MGAT5: variants seen among roughly 807,000 people sequenced by gnomAD.
MGAT5 encodes alpha-1,6-mannosylglycoprotein 6-beta-N-acetylglucosaminyltransferase, also known as alpha-1,6-mannosylglycoprotein 6-beta-N-acetylglucosaminyltransferase A.
Under a neutral mutation model 94.3 loss-of-function variants are expected in MGAT5, and 30 were observed. That is an observed-to-expected ratio of 0.32 (90% CI 0.24 to 0.43). The LOEUF is 0.43. MGAT5 is among the 20% of genes least tolerant of loss of function. The pLI, the probability that MGAT5 is intolerant of heterozygous loss-of-function variation, is 1.00. For missense variants in MGAT5, 691 were observed against 905.5 expected (o/e 0.76, Z 3.04); for synonymous variants, 310 against 322.9 (o/e 0.96, Z 0.43).
intron 1 of MGAT5, among the ~76,000 whole-genome samples, chr2:134,157,187 C>T (rs1391069639): frequency 2.6e-5 from 4 of 152,238 alleles, no homozygotes; most frequent in African/African-American, 9.6e-5. Flanking sequence ...CTGCTAAAAT[C>T]CAAATCAAAT....
chr2:134,437,101 GT>G (rs1558886282), intron 14 of MGAT5, among the ~76,000 whole-genome samples: 1 of 152,196 alleles, frequency 6.6e-6, no homozygotes, highest in African/African-American at 2.4e-5. Flanking sequence ...CAATTCTCCT[GT>G]CTTAGCCTCC....
intron 9 of MGAT5, among the ~76,000 whole-genome samples, chr2:134,360,392 C>A (rs1680009301): frequency 6.6e-6 from 1 of 152,026 alleles, no homozygotes; most frequent in South Asian, 2.1e-4. Context: ...TTATTTTTTA[C>A]TATATATTAG....
intron 1 of MGAT5, among the ~76,000 whole-genome samples, chr2:134,145,868 C>T (rs1217901190): frequency 6.6e-6 from 1 of 152,188 alleles, no homozygotes; most frequent in Non-Finnish European, 1.5e-5. Context: ...CTAACACCTT[C>T]CCCCAACCCC....
chr2:134,325,445 A>C (rs1269273597), intron 4 of MGAT5, among the ~76,000 whole-genome samples: 1 of 152,122 alleles, frequency 6.6e-6, no homozygotes, highest in Admixed American at 6.6e-5. Context: ...TGTGCCCGTG[A>C]TCCATATTCA....
rs554203990 is a variant in MGAT5, at chr2:134,335,729, C to A, written c.574-488C>A. Among the ~76,000 whole-genome samples the A allele has an allele frequency of 1.7e-3, 255 of 152,220 alleles. 4 individuals are homozygous for A. The highest frequency in any genetic ancestry group is 2.5e-4 in the Non-Finnish European group (17 of 68,000). On this transcript the variant is annotated intron_variant, in intron 4 of 15. Transcript: ENST00000281923. Reference sequence around the variant, plus strand: ...CCTTGACCAATTAGCCCTAAGCTATCAGTGGCATTCCTAACTCAGATAAAG... The same window carrying A: ...CCTTGACCAATTAGCCCTAAGCTATAAGTGGCATTCCTAACTCAGATAAAG...
chr2:134,309,762 A>G (rs986411241), intron 2 of MGAT5, among the ~76,000 whole-genome samples: 4 of 152,188 alleles, frequency 2.6e-5, no homozygotes, highest in African/African-American at 4.8e-5. Flanking sequence ...GCATTCTTAT[A>G]TAACTGTTTT....
rs1686180470 is a variant in MGAT5 at position 134,452,946 on chromosome 2, G to A, written c.*4099G>A. ...TTCTTGTTCGCTTCAACAAAAAGTG[G>A]GAGACCAAGTTTTTATAGCAAAAGA... is the stretch of plus-strand genomic sequence containing the variant. On this transcript the variant is annotated 3_prime_UTR_variant, in exon 16 of 16. Transcript: ENST00000281923. 1 of 152,168 alleles carries A rather than the reference G, an allele frequency of 6.6e-6. No homozygotes were observed. Among genetic ancestry groups the A allele is most frequent in the African/African-American group, 2.4e-5 (1 of 41,434 alleles). The allele number at this position is 152,168 out of a possible 1,614,324, so 9.4% of individuals were successfully genotyped here.
intron 10 of MGAT5, among the ~76,000 whole-genome samples, chr2:134,392,760 A>G (rs1682488734): frequency 1.3e-5 from 2 of 152,262 alleles, no homozygotes; most frequent in African/African-American, 4.8e-5. Context: ...AAGGAAATTT[A>G]GCAAGCACAG....
At chr2:134,368,214 C>T (rs538588691) in intron 10 of MGAT5, among the ~76,000 whole-genome samples, 1 of 152,310 alleles carries the variant, frequency 6.6e-6, no homozygotes, top group South Asian at 2.1e-4. Context: ...TCTGGGTGAG[C>T]TAAGTGTACA....
chr2:134,375,887 C>T (rs1191115461), intron 10 of MGAT5, among the ~76,000 whole-genome samples: 1 of 152,194 alleles, frequency 6.6e-6, no homozygotes, highest in Non-Finnish European at 1.5e-5. Flanking sequence ...GTATTTTCAT[C>T]TTCTTCCAGG....
chr2:134,237,123 A>ATGTGTGTGTGTGTGTGTGTGTGTGTGTG (rs68003122), intron 1 of MGAT5, among the ~76,000 whole-genome samples: 2 of 140,626 alleles, frequency 1.4e-5, no homozygotes, highest in African/African-American at 5.1e-5. Context: ...GAAGGAGTAT[A>ATGTGTGTGTGTGTGTGTGTGTGTGTGTG]TGTGTGTGTG....
chr2:134,416,188 A>C (rs1683950089), intron 12 of MGAT5, among the ~76,000 whole-genome samples: 1 of 152,216 alleles, frequency 6.6e-6, no homozygotes, highest in Non-Finnish European at 1.5e-5. Context: ...CACTGGCATT[A>C]AGTATATTTG....
At chr2:134,285,081 A>T (rs1054073543) in intron 2 of MGAT5, among the ~76,000 whole-genome samples, 3 of 152,146 alleles carry the variant, frequency 2.0e-5, no homozygotes, top group African/African-American at 7.2e-5. Context: ...AAATGAGGTA[A>T]TTGTCTCTAG....
At chr2:134,144,003 A>G (rs1686788769) in intron 1 of MGAT5, among the ~76,000 whole-genome samples, 1 of 152,104 alleles carries the variant, frequency 6.6e-6, no homozygotes, top group Non-Finnish European at 1.5e-5. Context: ...AAATGGAAAG[A>G]AGTGATTCTG....
At chr2:134,363,178 C>T (rs1321898707) in intron 10 of MGAT5, among the ~76,000 whole-genome samples, 1 of 152,214 alleles carries the variant, frequency 6.6e-6, no homozygotes, top group African/African-American at 2.4e-5. Flanking sequence ...GATCTCACAA[C>T]ATGCCTCTTC....
intron 8 of MGAT5, among the ~76,000 whole-genome samples, chr2:134,348,433 A>C (rs932720085): frequency 1.3e-5 from 2 of 152,146 alleles, no homozygotes; most frequent in Admixed American, 6.5e-5. Flanking sequence ...TCTTTTCTTC[A>C]CTTCCTGGCC....
At chr2:134,377,484 A>T (rs1219243925) in intron 10 of MGAT5, among the ~76,000 whole-genome samples, 1 of 152,246 alleles carries the variant, frequency 6.6e-6, no homozygotes, top group Admixed American at 6.5e-5. Context: ...GGGTTGGGCC[A>T]ATTGAGATTG....
chr2:134,231,181 T>C (rs1425913235), intron 1 of MGAT5: 1 of 152,138 alleles, frequency 6.6e-6, no homozygotes, highest in Non-Finnish European at 1.5e-5. Context: ...TATGATAAAA[T>C]GTTATATGAA....
intron 1 of MGAT5, among the ~76,000 whole-genome samples, chr2:134,245,000 A>G (rs568544032): frequency 6.6e-6 from 1 of 152,234 alleles, no homozygotes; most frequent in African/African-American, 2.4e-5. Context: ...GTTTTGGTTT[A>G]GTAGTTGTTT....
Sources: allele counts gnomAD v4.1 joint callset (sites outside exome capture counted in the v4.1 genomes callset), GRCh38; gene constraint gnomAD v4.1.1; transcripts MANE v1.5; gene names NCBI Gene and HGNC (gene_info 2026-07-23, HGNC 2026-07-21).